IL1RAPL2: variants seen among roughly 807,000 people sequenced by gnomAD.
The protein encoded by IL1RAPL2 is interleukin 1 receptor accessory protein like 2.
In IL1RAPL2, 3 loss-of-function variants were observed where a neutral mutation model predicts 44.1. The ratio of observed to expected loss-of-function variants is 0.07; its 90% CI spans 0.03 to 0.18. The LOEUF is 0.18. IL1RAPL2 is among the 10% of genes least tolerant of loss of function. The pLI is 1.00. For missense variants in IL1RAPL2, 391 were observed against 496.4 expected (o/e 0.79, Z 2.02); for synonymous variants, 181 against 178.8 (o/e 1.01, Z -0.10).
chrX:105,040,807 T>C (rs1461475190), intron 2 of IL1RAPL2, among the ~76,000 whole-genome samples: 1 of 107,384 alleles, frequency 9.3e-6, no homozygotes, highest in African/African-American at 3.5e-5. Flanking sequence ...CTATCAATTT[T>C]GTTGATCCTT....
rs374431417 is a variant in IL1RAPL2 at position 105,571,956 on chromosome X, A to G, written c.772+87569A>G. Reference sequence around the variant, plus strand: ...TCTAATTTTCTCTCTTCTACTAAAGAGAAAAAAAAAGCCTTCCTTAATGAT... The same window carrying G: ...TCTAATTTTCTCTCTTCTACTAAAGGGAAAAAAAAAGCCTTCCTTAATGAT... On this transcript the variant is annotated intron_variant, in intron 6 of 10. Transcript: ENST00000372582. Among the ~76,000 whole-genome samples, 3 of 111,395 alleles carry G rather than the reference A, an allele frequency of 2.7e-5. No individual in the cohort carries two copies. The East Asian group carries it at 8.5e-4, about 32-fold the overall frequency.
intron 8 of IL1RAPL2, among the ~76,000 whole-genome samples, chrX:105,746,806 C>T (rs750934591): frequency 4.5e-5 from 5 of 111,246 alleles, no homozygotes; most frequent in Admixed American, 9.6e-5. Context: ...TCCCATTCCA[C>T]GACTTTTAAA....
At chrX:104,909,472 G>T (rs1602807682) in intron 2 of IL1RAPL2, among the ~76,000 whole-genome samples, 2 of 111,807 alleles carry the variant, frequency 1.8e-5, no homozygotes, top group East Asian at 5.6e-4. Context: ...CATCTTTGTG[G>T]TTTTATCTAC....
At chrX:104,650,422 T>G (rs1421164781) in intron 1 of IL1RAPL2, among the ~76,000 whole-genome samples, 1 of 110,983 alleles carries the variant, frequency 9.0e-6, no homozygotes, top group Non-Finnish European at 1.9e-5. Flanking sequence ...ACTTTTACTA[T>G]TGAAACAGAT....
At chrX:104,827,253 T>C (rs1921479211) in intron 2 of IL1RAPL2, among the ~76,000 whole-genome samples, 1 of 110,861 alleles carries the variant, frequency 9.0e-6, no homozygotes, top group Non-Finnish European at 1.9e-5. Flanking sequence ...TGTTTTGCAG[T>C]GGCTGGTAGT....
At chrX:105,220,547 C>T in intron 3 of IL1RAPL2, 1 of 519,542 alleles carries the variant, frequency 1.9e-6, no homozygotes, top group Non-Finnish European at 3.0e-6. Flanking sequence ...TCCTAATGAC[C>T]CCCTGACCGG....
intron 5 of IL1RAPL2, among the ~76,000 whole-genome samples, chrX:105,371,680 T>G (rs765676238): frequency 5.3e-5 from 6 of 112,362 alleles, no homozygotes; most frequent in Non-Finnish European, 1.1e-4. Flanking sequence ...TTTATTATTT[T>G]TCTTATTTCA....
At chrX:105,596,913 G>T (rs1416462123) in intron 6 of IL1RAPL2, among the ~76,000 whole-genome samples, 1 of 111,788 alleles carries the variant, frequency 8.9e-6, no homozygotes, top group South Asian at 3.7e-4. Context: ...TCTTGGCAAT[G>T]ATTTTTTGGA....
intron 2 of IL1RAPL2, among the ~76,000 whole-genome samples, chrX:105,127,375 T>A (rs1485719307): frequency 9.0e-6 from 1 of 111,532 alleles, no homozygotes; most frequent in East Asian, 2.8e-4. Flanking sequence ...TGGTTTATTA[T>A]TTTAATTTAT....
intron 3 of IL1RAPL2, among the ~76,000 whole-genome samples, chrX:105,211,061 G>A (rs1417790306): frequency 9.0e-6 from 1 of 110,566 alleles, no homozygotes; most frequent in African/African-American, 3.3e-5. Context: ...TTTCCCACTG[G>A]GATATGTTTC....
chrX:104,990,529 C>T (rs1440393946), intron 2 of IL1RAPL2, among the ~76,000 whole-genome samples: 1 of 110,924 alleles, frequency 9.0e-6, no homozygotes, highest in East Asian at 2.8e-4. Context: ...AGGCATCTGA[C>T]AGGAAAAGTA....
intron 5 of IL1RAPL2, among the ~76,000 whole-genome samples, chrX:105,346,581 A>G (rs775023984): frequency 1.8e-5 from 2 of 112,098 alleles, no homozygotes; most frequent in South Asian, 7.5e-4. Flanking sequence ...TTGTGACAAC[A>G]GCAACATAGG....
chrX:104,789,176 A>G (rs1468113557), intron 2 of IL1RAPL2, among the ~76,000 whole-genome samples: 1 of 111,471 alleles, frequency 9.0e-6, no homozygotes, highest in East Asian at 2.8e-4. Context: ...GGGTACATGT[A>G]CAGGTTTGTT....
intron 2 of IL1RAPL2, among the ~76,000 whole-genome samples, chrX:105,179,485 G>A (rs1556129285): frequency 9.0e-6 from 1 of 111,486 alleles, no homozygotes; most frequent in Non-Finnish European, 1.9e-5. Flanking sequence ...TCATTTTTGG[G>A]TTCATATGAG....
At chrX:105,117,586 C>T (rs1468952660) in intron 2 of IL1RAPL2, among the ~76,000 whole-genome samples, 1 of 110,779 alleles carries the variant, frequency 9.0e-6, no homozygotes, top group Admixed American at 9.5e-5. Flanking sequence ...GGGGCAGTTA[C>T]CCCCATGCTG....
intron 2 of IL1RAPL2, among the ~76,000 whole-genome samples, chrX:105,009,834 G>T (rs982576785): frequency 9.0e-6 from 1 of 110,909 alleles, no homozygotes; most frequent in African/African-American, 3.3e-5. Context: ...AACACTGTGT[G>T]TTTAATGGAG....
At chrX:104,921,596 A>G (rs1238808114) in intron 2 of IL1RAPL2, among the ~76,000 whole-genome samples, 1 of 112,342 alleles carries the variant, frequency 8.9e-6, no homozygotes, top group Admixed American at 9.4e-5. Context: ...GGACTTGAGC[A>G]CACCATCCAG....
chrX:105,540,202 A>G (rs2036709669), intron 6 of IL1RAPL2, among the ~76,000 whole-genome samples: 1 of 112,240 alleles, frequency 8.9e-6, no homozygotes, highest in South Asian at 3.7e-4. Flanking sequence ...TATTCAAAAG[A>G]AAATAAATCA....
chrX:104,904,302 T>C (rs1309225808), intron 2 of IL1RAPL2, among the ~76,000 whole-genome samples: 1 of 110,163 alleles, frequency 9.1e-6, no homozygotes, highest in Non-Finnish European at 1.9e-5. Context: ...TAAATTATTC[T>C]TTTTTTCTCA....
Sources: gnomAD v4.1 joint callset for allele counts (sites outside exome capture counted in the v4.1 genomes callset) on GRCh38, gnomAD v4.1.1 for gene constraint, MANE v1.5 for transcripts, NCBI Gene and HGNC (gene_info 2026-07-23, HGNC 2026-07-21) for gene names.